The following MYRIP variants were observed in gnomAD, a reference collection of about 807,000 sequenced individuals.
MYRIP encodes myosin VIIA and Rab interacting protein, also known as rab effector MyRIP.
In MYRIP, 49 loss-of-function variants were observed where a neutral mutation model predicts 98.0. The observed-to-expected ratio is 0.50, with a 90% confidence interval of 0.40 to 0.63. The LOEUF is 0.63. MYRIP is among the 30% of genes least tolerant of loss of function. The pLI is 0.00. For synonymous variants in MYRIP, 404 were observed against 409.5 expected, an observed-to-expected ratio of 0.99 and a Z score of 0.16; for missense variants, 1,004 against 1,058.2, an observed-to-expected ratio of 0.95 and a Z score of 0.71.
intron 11 of MYRIP, among the ~76,000 whole-genome samples, chr3:40,214,187 T>C (rs1027990483): frequency 1.3e-5 from 2 of 152,198 alleles, no homozygotes; most frequent in Non-Finnish European, 2.9e-5. Flanking sequence ...CTTACTTTGG[T>C]ATTGTGAATA....
intron 3 of MYRIP, among the ~76,000 whole-genome samples, chr3:40,094,054 C>A (rs950195307): frequency 6.6e-6 from 1 of 152,112 alleles, no homozygotes; most frequent in Non-Finnish European, 1.5e-5. Flanking sequence ...CCTTCCCTCC[C>A]CCTTCACATG....
At chr3:39,891,433 T>C (rs1204679318) in intron 1 of MYRIP, among the ~76,000 whole-genome samples, 1 of 152,120 alleles carries the variant, frequency 6.6e-6, no homozygotes, top group African/African-American at 2.4e-5. Context: ...TTCCAGGGAA[T>C]AGGTGTACCA....
intron 2 of MYRIP, among the ~76,000 whole-genome samples, chr3:39,998,032 C>T (rs574536733): frequency 2.0e-5 from 3 of 152,226 alleles, no homozygotes; most frequent in African/African-American, 2.4e-5. Flanking sequence ...TGGGACGTAT[C>T]TCAAAATAAT....
intron 8 of MYRIP, among the ~76,000 whole-genome samples, chr3:40,179,138 TGTG>T (rs1347624241): frequency 6.6e-6 from 1 of 152,198 alleles, no homozygotes; most frequent in East Asian, 1.9e-4. Flanking sequence ...AAAGCATTGT[TGTG>T]GTGCCCTCTG....
chr3:40,161,744 T>G lies in MYRIP; in HGVS notation c.470-986T>G, dbSNP rs936418488. The stretch of plus-strand genomic sequence containing the variant: ...GTCAACTTTAAAAAGTGAGCTGCAT[T>G]CAGGGCTTCCATTGCCTGCCCTTCC... On this transcript the variant is annotated intron_variant, in intron 4 of 16. Coordinates refer to ENST00000302541, the MANE Select transcript of MYRIP (RefSeq NM_015460.4). 3.3e-5 allele frequency among the ~76,000 whole-genome samples: 5 copies of G among 152,290 alleles called. No homozygotes were observed. In the South Asian group the frequency reaches 1.0e-3, roughly 32 times the overall value.
At chr3:39,873,185 G>C (rs1942859644) in intron 1 of MYRIP, among the ~76,000 whole-genome samples, 1 of 152,080 alleles carries the variant, frequency 6.6e-6, no homozygotes, top group African/African-American at 2.4e-5. Context: ...TGATGGGGTT[G>C]TTTGTTTTTT....
rs369803668 is a variant in MYRIP, at chr3:40,181,137, G to A, written c.874-1083G>A. On this transcript the variant is annotated intron_variant, in intron 8 of 16. Coordinates refer to ENST00000302541, the MANE Select transcript of MYRIP (RefSeq NM_015460.4). Reference sequence around the variant, plus strand: ...TTTTTTAAGCTACCATTATCATACAGTTTACTGTGAGTGCAGGGCAAGATT... The same window carrying A: ...TTTTTTAAGCTACCATTATCATACAATTTACTGTGAGTGCAGGGCAAGATT... Among the ~76,000 whole-genome samples, 7 of 151,710 alleles carry A rather than the reference G, an allele frequency of 4.6e-5. No homozygotes were observed. In the South Asian group the frequency reaches 1.5e-3, roughly 32 times the overall value.
rs1199851558 is a variant in MYRIP, at chr3:40,204,146, A to T, written c.1666-5708A>T. ...AGAGTATTATATAATATATTATATAATATATAAATATATAATATAATATTT... is the reference window on the plus strand; with the variant it reads ...AGAGTATTATATAATATATTATATATTATATAAATATATAATATAATATTT... On this transcript the variant is annotated intron_variant, in intron 10 of 16. Transcript: ENST00000302541. 4.6e-4 allele frequency among the ~76,000 whole-genome samples: 15 copies of T among 32,514 alleles called. 1 individual carries two copies. In the East Asian group the frequency reaches 6.0e-3, roughly 13 times the overall value. 21.3% of individuals were successfully genotyped at this position (32,514 alleles called of 152,430 possible). A position where few individuals can be genotyped will look rare whatever the true frequency, so the allele number is the denominator to read the frequency against.
chr3:39,860,998 C>T (rs561968357), intron 1 of MYRIP, among the ~76,000 whole-genome samples: 7 of 152,228 alleles, frequency 4.6e-5, no homozygotes, highest in Admixed American at 4.6e-4. Flanking sequence ...AACAAGCATG[C>T]GTTCTGCTGC....
intron 2 of MYRIP, among the ~76,000 whole-genome samples, chr3:39,987,624 G>A (rs917524965): frequency 3.9e-5 from 6 of 152,060 alleles, no homozygotes; most frequent in Non-Finnish European, 7.4e-5. Context: ...TCCCACCAAC[G>A]GTGTAAAAGC....
intron 3 of MYRIP, among the ~76,000 whole-genome samples, chr3:40,073,084 A>G (rs1948265538): frequency 6.6e-6 from 1 of 152,190 alleles, no homozygotes; most frequent in South Asian, 2.1e-4. Flanking sequence ...AGAACTTTTT[A>G]CTGAGAAAAT....
chr3:40,019,461 C>T (rs893100695), intron 2 of MYRIP, among the ~76,000 whole-genome samples: 3 of 152,192 alleles, frequency 2.0e-5, no homozygotes, highest in Non-Finnish European at 4.4e-5. Context: ...CTGTAAACTG[C>T]ACCCCACCTC....
At chr3:40,047,414 A>G (rs1196486432) in intron 3 of MYRIP, among the ~76,000 whole-genome samples, 1 of 152,214 alleles carries the variant, frequency 6.6e-6, no homozygotes, top group Non-Finnish European at 1.5e-5. Flanking sequence ...TGCAACAGCC[A>G]GTGTACCCTT....
intron 3 of MYRIP, among the ~76,000 whole-genome samples, chr3:40,098,089 T>C (rs1948865738): frequency 6.6e-6 from 1 of 152,224 alleles, no homozygotes; most frequent in Non-Finnish European, 1.5e-5. Context: ...GCGGGTTGGA[T>C]GACCTGTATT....
At chr3:39,823,018 C>CTTTT (rs35819968) in intron 1 of MYRIP, among the ~76,000 whole-genome samples, 6 of 123,296 alleles carry the variant, frequency 4.9e-5, no homozygotes, top group Admixed American at 1.7e-4. Context: ...TCTTTTCTTC[C>CTTTT]TTTTTTTTTT....
At chr3:40,164,326 G>C (rs1187880036) in intron 5 of MYRIP, among the ~76,000 whole-genome samples, 1 of 152,144 alleles carries the variant, frequency 6.6e-6, no homozygotes, top group Non-Finnish European at 1.5e-5. Flanking sequence ...ATATATGTAT[G>C]TACATGCACA....
intron 2 of MYRIP, among the ~76,000 whole-genome samples, chr3:40,039,996 C>T (rs1171975873): frequency 6.6e-6 from 1 of 152,094 alleles, no homozygotes; most frequent in Admixed American, 6.6e-5. Context: ...CCTTTGTCTT[C>T]ACATTGCCTT....
chr3:39,941,489 ATG>A (rs139399674), intron 2 of MYRIP, among the ~76,000 whole-genome samples: 2,364 of 146,990 alleles, frequency 0.016, 44 homozygotes, highest in East Asian at 0.094. Flanking sequence ...TTAAAAATGT[ATG>A]TGTGTGTGTG....
In MYRIP at chr3:39,928,902, C is replaced by T. The variant is rs551546865; in HGVS notation, c.110+27976C>T. Among the ~76,000 whole-genome samples, 3 of 152,018 alleles carry T rather than the reference C, an allele frequency of 2.0e-5. No homozygotes were observed. The South Asian group carries it at 6.2e-4, about 32-fold the overall frequency. On this transcript the variant is annotated intron_variant, in intron 2 of 16. Coordinates refer to ENST00000302541, the MANE Select transcript of MYRIP (RefSeq NM_015460.4). Reference sequence around the variant, plus strand: ...GTGTGATGCATACTACTCTTATTTGCAGAAGTCATGATAGTCTACATGGAA... The same window carrying T: ...GTGTGATGCATACTACTCTTATTTGTAGAAGTCATGATAGTCTACATGGAA...
Sources: allele counts gnomAD v4.1 joint callset (sites outside exome capture counted in the v4.1 genomes callset), GRCh38; gene constraint gnomAD v4.1.1; transcripts MANE v1.5; gene names NCBI Gene and HGNC (gene_info 2026-07-23, HGNC 2026-07-21).